The following RPS5 variants were observed in gnomAD, a reference collection of about 807,000 sequenced individuals.
RPS5 encodes small ribosomal subunit protein uS7.
In RPS5, 2 loss-of-function variants were observed where a neutral mutation model predicts 20.9. The ratio of observed to expected loss-of-function variants is 0.10; its 90% confidence interval spans 0.04 to 0.30. The LOEUF is 0.30. RPS5 is among the 10% of genes least tolerant of loss of function. The pLI, the probability that RPS5 is intolerant of heterozygous loss-of-function variation, is 1.00. For missense variants in RPS5, 122 were observed against 287.2 expected (o/e 0.42, Z 4.16); for synonymous variants, 112 against 105.8 (o/e 1.06, Z -0.36).
intron 2 of RPS5, 63 bp downstream of exon 2, chr19:58,388,308 C>A: frequency 8.7e-7 from 1 of 1,155,398 alleles, no homozygotes; most frequent in Non-Finnish European, 1.3e-6. Flanking sequence ...GGAAGGCACA[C>A]ATCAAACTTG....
intron 2 of RPS5, among the ~76,000 whole-genome samples, chr19:58,391,929 A>G (rs887289642): frequency 1.3e-5 from 2 of 152,096 alleles, no homozygotes; most frequent in Non-Finnish European, 1.5e-5. Flanking sequence ...ATCTCAAAAA[A>G]CAAAAAACCA....
intron 2 of RPS5, among the ~76,000 whole-genome samples, chr19:58,390,716 A>T (rs2052357812): frequency 6.6e-6 from 1 of 152,196 alleles, no homozygotes. Flanking sequence ...ATAAACATCA[A>T]TGGGAGTTCA....
chr19:58,391,945 CTG>C (rs941595788), intron 2 of RPS5, among the ~76,000 whole-genome samples: 9 of 152,062 alleles, frequency 5.9e-5, no homozygotes, highest in Non-Finnish European at 1.2e-4. Flanking sequence ...AACCAAAAAA[CTG>C]TGGTTCCTAC....
chr19:58,393,707 G>T (rs529411233), intron 4 of RPS5: 2 of 567,608 alleles, frequency 3.5e-6, no homozygotes, highest in Non-Finnish European at 6.0e-6. Flanking sequence ...TTTCCTTTGG[G>T]TGTATATTTT....
chr19:58,394,219 C>T (rs2052382274), intron 4 of RPS5: 1 of 413,990 alleles, frequency 2.4e-6, no homozygotes, highest in East Asian at 4.5e-5. Flanking sequence ...CGAAGTGTTA[C>T]AGGCGCAAGC....
intron 2 of RPS5, among the ~76,000 whole-genome samples, chr19:58,390,949 T>C (rs1322389268): frequency 6.6e-6 from 1 of 152,192 alleles, no homozygotes; most frequent in Non-Finnish European, 1.5e-5. Flanking sequence ...AACAGGTATT[T>C]TGTGTATATT....
At chr19:58,389,310 C>T (rs1323002754) in intron 2 of RPS5, among the ~76,000 whole-genome samples, 2 of 152,072 alleles carry the variant, frequency 1.3e-5, no homozygotes, top group Admixed American at 6.6e-5. Context: ...CACTCTCTGT[C>T]ACCCAGGCTG....
At chr19:58,390,876 T>G (rs900343400) in intron 2 of RPS5, among the ~76,000 whole-genome samples, 10 of 152,248 alleles carry the variant, frequency 6.6e-5, no homozygotes, top group Admixed American at 6.5e-4. Flanking sequence ...AGCCAGACTA[T>G]GAAATAGTAC....
At chr19:58,393,713 A>T in intron 4 of RPS5, 1 of 534,806 alleles carries the variant, frequency 1.9e-6, no homozygotes, top group East Asian at 3.1e-5. Flanking sequence ...TTGGGTGTAT[A>T]TTTTTACACT....
At chr19:58,388,975 C>T (rs2052346582) in intron 2 of RPS5, among the ~76,000 whole-genome samples, 1 of 152,124 alleles carries the variant, frequency 6.6e-6, no homozygotes, top group African/African-American at 2.4e-5. Context: ...TTCCACTGGT[C>T]TATATGTCTG....
intron 2 of RPS5, among the ~76,000 whole-genome samples, chr19:58,389,916 CAGAG>C (rs2052352289): frequency 6.6e-6 from 1 of 151,990 alleles, no homozygotes; most frequent in Non-Finnish European, 1.5e-5. Flanking sequence ...TTTTTTGAGA[CAGAG>C]TTTCGTTCTT....
chr19:58,393,615 C>T (rs1419281980), intron 4 of RPS5, 128 bp downstream of exon 4: 17 of 1,261,992 alleles, frequency 1.3e-5, no homozygotes, highest in East Asian at 1.3e-4. Flanking sequence ...TCTAGGAAGC[C>T]TTCCTGGATT....
At chr19:58,391,261 G>C (rs1024115873) in intron 2 of RPS5, among the ~76,000 whole-genome samples, 1 of 150,572 alleles carries the variant, frequency 6.6e-6, no homozygotes, top group African/African-American at 2.4e-5. Context: ...GTGAAGCCCC[G>C]TCTCTACTAA....
intron 4 of RPS5, 95 bp downstream of exon 4, chr19:58,393,582 G>A: frequency 6.8e-7 from 1 of 1,462,882 alleles, no homozygotes; most frequent in Non-Finnish European, 9.2e-7. Flanking sequence ...CTGTCTGCAT[G>A]TTTTACCTGC....
intron 2 of RPS5, among the ~76,000 whole-genome samples, chr19:58,390,413 C>T (rs1336388917): frequency 1.4e-5 from 2 of 145,874 alleles, no homozygotes; most frequent in African/African-American, 5.0e-5. Context: ...GTGGGCCACA[C>T]TGGCCACTGT....
At chr19:58,388,647 T>G (rs999264825) in intron 2 of RPS5, 12 of 382,502 alleles carry the variant, frequency 3.1e-5, no homozygotes, top group South Asian at 1.1e-4. Flanking sequence ...TTTTTTTTTT[T>G]TTTTTTTTTT....
intron 2 of RPS5, among the ~76,000 whole-genome samples, chr19:58,390,316 T>TC (rs2052354567): frequency 6.7e-6 from 1 of 148,494 alleles, no homozygotes; most frequent in South Asian, 2.1e-4. Flanking sequence ...TGCCTCAGCC[T>TC]CCCGAAGTGC....
intron 3 of RPS5, 80 bp from the exon 4 acceptor site, chr19:58,393,279 G>A: frequency 1.9e-6 from 3 of 1,608,492 alleles, no homozygotes; most frequent in Non-Finnish European, 2.6e-6. Flanking sequence ...TGTGTGGTGT[G>A]GTCACTCTTG....
At position 58,393,553 on chromosome 19, in the gene RPS5, G is replaced by A; in HGVS notation, c.447+66G>A. On this transcript the variant is annotated intron_variant, in intron 4 of 5. Transcript: ENST00000196551. ...CACGGGAGTGGGTGGGGTCTTGCCT[G>A]GGGCAGGAAGGCTCCTCTCTGTCTG... 4 of 1,554,224 alleles carry A rather than the reference G, an allele frequency of 2.6e-6. No homozygotes were observed. The South Asian group carries it at 4.6e-5, about 18-fold the overall frequency.
Sources: allele counts gnomAD v4.1 joint callset (sites outside exome capture counted in the v4.1 genomes callset), GRCh38; gene constraint gnomAD v4.1.1; transcripts MANE v1.5; gene names NCBI Gene and HGNC (gene_info 2026-07-23, HGNC 2026-07-21).